Variants in MYRF observed in about 807,000 individuals in gnomAD.
MYRF encodes the protein myelin gene regulatory factor.
In MYRF, 16 loss-of-function variants were observed where a neutral mutation model predicts 126.3. The observed-to-expected ratio is 0.13, with a 90% CI of 0.09 to 0.19. MYRF has a LOEUF of 0.19. Among genes scored for constraint, MYRF ranks in the 10% least tolerant of loss-of-function variants. The pLI, the probability that MYRF is intolerant of heterozygous loss-of-function variation, is 1.00. For synonymous variants in MYRF, 608 were observed against 635.3 expected, an observed-to-expected ratio of 0.96 and a Z score of 0.65; for missense variants, 1,104 against 1,547.0, an observed-to-expected ratio of 0.71 and a Z score of 4.80.
rs181068842 is a variant in MYRF at position 61,774,088 on chromosome 11, G to A, written c.1237G>A (p.Glu413Lys). 12 of 1,613,906 alleles carry A rather than the reference G, an allele frequency of 7.4e-6. No homozygotes were observed. The East Asian group carries it at 1.1e-4, about 15-fold the overall frequency. The change falls in exon 8 of 27, where the codon GAG becomes AAG. Residue 413 changes from glutamate (E) to lysine (K), a missense_variant. This residue lies in a region of MYRF where 36 missense variants were observed against 47.5 expected (regional missense o/e 0.76). Transcript: ENST00000278836. Reference sequence around the variant, plus strand: ...GACAGTGTACATCGGCATGCTGGGCGAGCCCAAGTACGTCAAGACGCCCGA... The same window carrying A: ...GACAGTGTACATCGGCATGCTGGGCAAGCCCAAGTACGTCAAGACGCCCGA... ...QVTVYIGMLGEPKYVKTPEGL... is the reference protein window; with the variant it reads ...QVTVYIGMLGKPKYVKTPEGL...
In MYRF at chr11:61,757,815, G is replaced by C. The variant is rs915908106; in HGVS notation, c.46+5025G>C. 1.3e-5 allele frequency among the ~76,000 whole-genome samples: 2 copies of C among 152,178 alleles called. No homozygotes were observed. Among genetic ancestry groups the C allele is most frequent in the Admixed American group, 6.5e-5 (1 of 15,286 alleles). ...GCCTCCCATTTCTGAGGGGGACTGT[G>C]AGGCAGGACAGGAAGGCGATGATGT... On this transcript the variant is annotated intron_variant, in intron 1 of 26. Transcript: ENST00000278836. This position sits in a 1 kb window ranked among gnomAD's most constrained non-coding sequence, Gnocchi z 4.7.
chr11:61,766,562 G>A (rs533497438), intron 3 of MYRF: 7 of 305,420 alleles, frequency 2.3e-5, no homozygotes, highest in African/African-American at 1.1e-4. Flanking sequence ...CTGCATACCC[G>A]TGCACGCGCG....
chr11:61,764,927 A>G (rs997333756), intron 1 of MYRF, among the ~76,000 whole-genome samples: 1 of 152,156 alleles, frequency 6.6e-6, no homozygotes, highest in Non-Finnish European at 1.5e-5. Flanking sequence ...CCTCCTCTGG[A>G]AAAAGGGGGC....
chr11:61,771,387 G>A, intron 5 of MYRF, 113 bp from the exon 6 acceptor site: 1 of 1,424,344 alleles, frequency 7.0e-7, no homozygotes, highest in Non-Finnish European at 9.4e-7. Context: ...GTGTCCTCTG[G>A]GCGGGGCACA....
intron 16 of MYRF, 110 bp from the exon 17 acceptor site, chr11:61,779,732 C>T (rs174531): frequency 7.0e-5 from 86 of 1,224,566 alleles, no homozygotes; most frequent in Admixed American, 9.3e-5. Context: ...CCTTTGCCCC[C>T]GGGGAAATGG....
chr11:61,757,868 A>C lies in MYRF; in HGVS notation c.46+5078A>C, dbSNP rs1298864675. The stretch of plus-strand genomic sequence containing the variant: ...CAGGCTCCCTCAAGGTGGCCACAAC[A>C]GAGCTGGGACTGGAGCCTGGGTCCC... On this transcript the variant is annotated intron_variant, in intron 1 of 26. Coordinates refer to ENST00000278836, the MANE Select transcript of MYRF (RefSeq NM_001127392.3). The surrounding 1 kb of genome is among the most constrained non-coding windows in gnomAD (Gnocchi z 4.7). Among the ~76,000 whole-genome samples the C allele has an allele frequency of 6.6e-6, 1 of 152,150 alleles. No individual in the cohort carries two copies. The highest frequency in any genetic ancestry group is 1.5e-5 in the Non-Finnish European group (1 of 68,018).
chr11:61,770,025 T>A (rs1426691969), intron 4 of MYRF, among the ~76,000 whole-genome samples: 3 of 151,968 alleles, frequency 2.0e-5, no homozygotes, highest in Non-Finnish European at 4.4e-5. Context: ...GTGGCTAGGA[T>A]GAGGTGAAAG....
At chr11:61,769,817 C>T (rs760387757) in intron 4 of MYRF, among the ~76,000 whole-genome samples, 2 of 152,116 alleles carry the variant, frequency 1.3e-5, no homozygotes, top group Non-Finnish European at 1.5e-5. Context: ...CCTCCCCGCT[C>T]AGGCTGGGGG....
Position 61,757,696 on chromosome 11 carries a change from G to A in MYRF, c.46+4906G>A, listed in dbSNP as rs1238482513. On this transcript the variant is annotated intron_variant, in intron 1 of 26. Transcript: ENST00000278836. This position sits in a 1 kb window ranked among gnomAD's most constrained non-coding sequence, Gnocchi z 4.7. The stretch of plus-strand genomic sequence containing the variant: ...TGTTCTTGCTGCCAGCAAGGAGGAG[G>A]GGCTTGGCTGTATTGTGACTTCATC... The A allele has an allele frequency of 7.8e-6, 3 of 383,072 alleles. No homozygotes were observed. Among genetic ancestry groups the A allele is most frequent in the Non-Finnish European group, 1.6e-5 (3 of 191,550 alleles). 23.7% of individuals were successfully genotyped at this position (383,072 alleles called of 1,614,324 possible).
At chr11:61,753,265 C>A (rs543810927) in intron 1 of MYRF, among the ~76,000 whole-genome samples, 5 of 151,894 alleles carry the variant, frequency 3.3e-5, no homozygotes, top group African/African-American at 1.2e-4. Flanking sequence ...CTGTGACCCC[C>A]GCCTAGAGAC....
intron 25 of MYRF, 156 bp from the exon 26 acceptor site, chr11:61,785,644 A>T: frequency 6.1e-6 from 4 of 654,512 alleles, no homozygotes; most frequent in Non-Finnish European, 1.1e-5. Flanking sequence ...TCCTTCTGCC[A>T]AAGCAGAACA....
chr11:61,761,261 G>C (rs1055230234), intron 1 of MYRF, among the ~76,000 whole-genome samples: 1 of 120,834 alleles, frequency 8.3e-6, no homozygotes, highest in African/African-American at 2.6e-5. Context: ...ACAGCTGGTG[G>C]GGGGGGGGGC....
chr11:61,780,002 T>C, intron 17 of MYRF, 72 bp downstream of exon 17: 1 of 1,403,818 alleles, frequency 7.1e-7, no homozygotes, highest in Non-Finnish European at 1.0e-6. Flanking sequence ...CAGCTGCCCA[T>C]GGGCTCAGGC....
chr11:61,771,405 C>G, intron 5 of MYRF, 95 bp from the exon 6 acceptor site: 3 of 1,507,106 alleles, frequency 2.0e-6, no homozygotes, highest in East Asian at 4.6e-5. Context: ...ACATCCTGGC[C>G]CAAACAGGCT....
Position 61,783,446 on chromosome 11 carries a change from TG to T in MYRF, c.3017-51del, listed in dbSNP as rs1181059452. The T allele has an allele frequency of 1.0e-5, 15 of 1,437,810 alleles. No homozygotes were observed. Among genetic ancestry groups the T allele is most frequent in the Non-Finnish European group, 1.5e-5 (15 of 1,026,050 alleles). 89.1% of individuals were successfully genotyped at this position (1,437,810 alleles called of 1,614,324 possible). A position where few individuals can be genotyped will look rare whatever the true frequency, so the allele number is the denominator to read the frequency against. On this transcript the variant is annotated intron_variant, in intron 22 of 26. Coordinates refer to ENST00000278836, the MANE Select transcript of MYRF (RefSeq NM_001127392.3). This position sits in a 1 kb window ranked among gnomAD's most constrained non-coding sequence, Gnocchi z 4.6. ...GCTTCAAGTCTGGCAAGGAAAGACTTGCCAGCTTCTCATTTGTGTCCTGCCT... is the reference window on the plus strand; with the variant it reads ...GCTTCAAGTCTGGCAAGGAAAGACTTCCAGCTTCTCATTTGTGTCCTGCCT...
At chr11:61,760,870 C>T (rs1005972208) in intron 1 of MYRF, among the ~76,000 whole-genome samples, 1 of 152,182 alleles carries the variant, frequency 6.6e-6, no homozygotes, top group Non-Finnish European at 1.5e-5. Flanking sequence ...CTCTGGGCAT[C>T]GTGGTTATGC....
chr11:61,784,202 G>C, intron 24 of MYRF, 78 bp from the exon 25 acceptor site: 1 of 1,357,246 alleles, frequency 7.4e-7, no homozygotes, highest in Non-Finnish European at 1.0e-6. Flanking sequence ...TCAGAGGCGT[G>C]TGGCAGGCTG....
At chr11:61,775,808 C>T (rs367872) in intron 8 of MYRF, among the ~76,000 whole-genome samples, 3 of 135,448 alleles carry the variant, frequency 2.2e-5, no homozygotes, top group African/African-American at 2.9e-5. Context: ...TGACTGCATG[C>T]GTAGCTGTGC....
chr11:61,779,739 A>G (rs1018182069), intron 16 of MYRF, 103 bp from the exon 17 acceptor site: 3 of 1,250,048 alleles, frequency 2.4e-6, no homozygotes, highest in African/African-American at 1.5e-5. Context: ...CCCCGGGGAA[A>G]TGGGGCACCC....
Sources: gnomAD v4.1 joint callset for allele counts (sites outside exome capture counted in the v4.1 genomes callset) on GRCh38, gnomAD v4.1.1 for gene constraint, gnomAD v4.1.1 regional missense constraint, Gnocchi (gnomAD v3.1) non-coding constraint, MANE v1.5 for transcripts, NCBI Gene and HGNC (gene_info 2026-07-23, HGNC 2026-07-21) for gene names.